CEP135: variants seen among roughly 807,000 people sequenced by gnomAD.
CEP135 encodes centrosomal protein 135.
Under a neutral mutation model 157.3 loss-of-function variants are expected in CEP135, and 142 were observed. That is an observed-to-expected ratio of 0.90 (90% confidence interval 0.79 to 1.04). The LOEUF (loss-of-function observed/expected upper bound fraction) is 1.04. CEP135 is among the 50% of genes least tolerant of loss of function. CEP135 has a pLI of 0.00. For missense variants in CEP135, 1,317 were observed against 1,309.2 expected, an observed-to-expected ratio of 1.01 and a Z score of -0.09; for synonymous variants, 396 against 439.8, an observed-to-expected ratio of 0.90 and a Z score of 1.25.
intron 17 of CEP135, among the ~76,000 whole-genome samples, chr4:56,005,438 A>T (rs1034308394): frequency 6.6e-6 from 1 of 152,142 alleles, no homozygotes; most frequent in South Asian, 2.1e-4. Context: ...AAAAACAAAC[A>T]AACAAAACAA....
At chr4:55,992,364 T>C (rs1393383344) in intron 15 of CEP135, among the ~76,000 whole-genome samples, 2 of 152,230 alleles carry the variant, frequency 1.3e-5, no homozygotes, top group African/African-American at 2.4e-5. Flanking sequence ...TTTTTCAACC[T>C]TCTTTTGAAA....
At chr4:55,976,929 C>T (rs533193382) in intron 11 of CEP135, among the ~76,000 whole-genome samples, 22 of 152,080 alleles carry the variant, frequency 1.4e-4, no homozygotes, top group African/African-American at 4.6e-4. Flanking sequence ...CACACCTTAG[C>T]GTACTGAGTA....
chr4:56,027,889 A>G (rs553126626), intron 25 of CEP135, among the ~76,000 whole-genome samples: 1 of 151,964 alleles, frequency 6.6e-6, no homozygotes, highest in South Asian at 2.1e-4. Flanking sequence ...ATCTCCCCAA[A>G]CAGAAATTCT....
At chr4:55,981,685 G>A (rs1022280280) in intron 13 of CEP135, among the ~76,000 whole-genome samples, 2 of 152,074 alleles carry the variant, frequency 1.3e-5, no homozygotes, top group Admixed American at 1.3e-4. Context: ...TTTCTCATAT[G>A]GGAAGACAGT....
intron 10 of CEP135, among the ~76,000 whole-genome samples, chr4:55,971,939 T>A (rs1222758247): frequency 6.6e-6 from 1 of 151,974 alleles, no homozygotes; most frequent in Non-Finnish European, 1.5e-5. Flanking sequence ...TCATCTGAGG[T>A]TGGGAGTTCA....
intron 25 of CEP135, among the ~76,000 whole-genome samples, chr4:56,028,704 T>C (rs11731842): frequency 0.21 from 31,266 of 152,166 alleles, 3,490 homozygotes; most frequent in Non-Finnish European, 0.26. Flanking sequence ...TTATTATTTG[T>C]TTTTTGACTA....
At chr4:56,008,473 A>AT in intron 18 of CEP135, 91 bp downstream of exon 18, 1 of 1,028,992 alleles carries the variant, frequency 9.7e-7, no homozygotes. Flanking sequence ...CAATAGAAGA[A>AT]TTTCCCTTTC....
intron 11 of CEP135, among the ~76,000 whole-genome samples, chr4:55,977,765 A>G (rs1293523474): frequency 6.6e-6 from 1 of 152,246 alleles, no homozygotes; most frequent in Admixed American, 6.5e-5. Flanking sequence ...ACAATAGCTC[A>G]TTAAAACATT....
intron 22 of CEP135, among the ~76,000 whole-genome samples, chr4:56,018,705 A>T (rs773364701): frequency 6.6e-6 from 1 of 152,138 alleles, no homozygotes; most frequent in African/African-American, 2.4e-5. Context: ...GGCCGCAGTA[A>T]GCAGAGATTG....
At position 56,019,407 on chromosome 4, in the gene CEP135, C is replaced by G; in HGVS notation, c.3067C>G (p.Leu1023Val). 2.5e-6 allele frequency: 4 copies of G among 1,613,794 alleles called. No homozygotes were observed. Among genetic ancestry groups the G allele is most frequent in the Non-Finnish European group, 3.4e-6 (4 of 1,179,894 alleles). Residue 1023 changes from leucine (L) to valine (V), a missense_variant, in exon 23 of 26, where the codon CTT becomes GTT. By Grantham distance (32) the Leu-to-Val change is conservative. Transcript: ENST00000257287. ...KSESDLLKKQ[L>V]SNERHTVKNL... ...AGAGTCAGACCTACTGAAAAAACAA[C>G]TTTCAAATGAGAGACATACAGTTAA...
In CEP135 at chr4:56,017,838, A is replaced by G; in HGVS notation, c.2993A>G (p.Lys998Arg). ...KDIMTQQLNS[K>R]NLEFERVVVE... ...ATTATGACCCAGCAATTGAATTCGAAAAACCTTGAGTTTGAGAGGGTAAGA... is the reference window on the plus strand; with the variant it reads ...ATTATGACCCAGCAATTGAATTCGAGAAACCTTGAGTTTGAGAGGGTAAGA... Residue 998 changes from lysine (K) to arginine (R), a missense_variant, in exon 22 of 26, where the codon AAA becomes AGA. Physicochemically the swap from Lys to Arg is conservative, Grantham distance 26 (BLOSUM62 2). Coordinates refer to ENST00000257287, the MANE Select transcript of CEP135 (RefSeq NM_025009.5). The G allele has an allele frequency of 6.2e-7, 1 of 1,612,722 alleles. No individual in the cohort carries two copies. The highest frequency in any genetic ancestry group is 8.5e-7 in the Non-Finnish European group (1 of 1,179,872).
chr4:55,999,291 T>C lies in CEP135; in HGVS notation c.2010-11T>C. ...AAGAATACCATTTGTTTTTGTCCATTGATTCTTTAGGATAGTGAATGAGCA... is the reference window on the plus strand; with the variant it reads ...AAGAATACCATTTGTTTTTGTCCATCGATTCTTTAGGATAGTGAATGAGCA... On this transcript the variant is annotated splice_polypyrimidine_tract_variant and intron_variant, in intron 15 of 25. Transcript: ENST00000257287. The C allele has an allele frequency of 6.3e-7, 1 of 1,592,770 alleles. No individual in the cohort carries two copies. Among genetic ancestry groups the C allele is most frequent in the Non-Finnish European group, 8.6e-7 (1 of 1,166,906 alleles).
rs1171512246 is a variant in CEP135, at chr4:56,031,841, A to C, written c.*493A>C. ...TAACTTTTTCTTCTTAAAATTATTC[A>C]TAGATCTACTGTCTGTTGTCAAGGG... On this transcript the variant is annotated 3_prime_UTR_variant, in exon 26 of 26. Transcript: ENST00000257287. 2 of 152,132 alleles carry C rather than the reference A, an allele frequency of 1.3e-5. No individual in the cohort carries two copies. The highest frequency in any genetic ancestry group is 2.9e-5 in the Non-Finnish European group (2 of 68,018). 9.4% of individuals were successfully genotyped at this position (152,132 alleles called of 1,614,324 possible). A position where few individuals can be genotyped will look rare whatever the true frequency, so the allele number is the denominator to read the frequency against.
At chr4:55,984,657 T>G (rs1278279720) in intron 13 of CEP135, among the ~76,000 whole-genome samples, 2 of 152,208 alleles carry the variant, frequency 1.3e-5, no homozygotes, top group South Asian at 2.1e-4. Context: ...GAACATCAGA[T>G]GTGTCTGTTT....
At position 55,981,251 on chromosome 4, in the gene CEP135, A is replaced by G; in HGVS notation, c.1651A>G (p.Arg551Gly). ...GGCTCAGGAAGAATTATCTGCCCTA[A>G]GAAAGGAATCCACCCAAACCACAGC... ...NEAQEELSAL[R>G]KESTQTTAPH... The change falls in exon 13 of 26, where the codon AGA (arginine) becomes GGA (glycine). Residue 551 changes from arginine (R) to glycine (G), a missense_variant. By Grantham distance (125) the Arg-to-Gly change is moderately radical. Transcript: ENST00000257287. The G allele has an allele frequency of 6.3e-7, 1 of 1,590,488 alleles. No individual in the cohort carries two copies. The highest frequency in any genetic ancestry group is 1.4e-5 in the African/African-American group (1 of 73,214).
At chr4:55,983,527 C>T (rs1008219253) in intron 13 of CEP135, among the ~76,000 whole-genome samples, 5 of 152,144 alleles carry the variant, frequency 3.3e-5, no homozygotes, top group African/African-American at 1.2e-4. Flanking sequence ...AGTGCTATCT[C>T]TTGAAAAATA....
At chr4:56,013,090 A>T (rs1249946464) in intron 21 of CEP135, among the ~76,000 whole-genome samples, 1 of 152,182 alleles carries the variant, frequency 6.6e-6, no homozygotes, top group Non-Finnish European at 1.5e-5. Context: ...AGCCGTCATA[A>T]TGGGAATAGA....
At chr4:56,023,621 A>G (rs902783218) in intron 24 of CEP135, among the ~76,000 whole-genome samples, 4 of 146,460 alleles carry the variant, frequency 2.7e-5, no homozygotes, top group Non-Finnish European at 6.0e-5. Flanking sequence ...TATAATTAAT[A>G]TAACATAGTA....
intron 17 of CEP135, 116 bp downstream of exon 17, chr4:55,999,761 C>T (rs1482873124): frequency 1.0e-6 from 1 of 966,852 alleles, no homozygotes; most frequent in East Asian, 2.5e-5. Context: ...GGCATGATCA[C>T]AGCTCACTGC....
Sources: gnomAD v4.1 joint callset for allele counts (sites outside exome capture counted in the v4.1 genomes callset) on GRCh38, gnomAD v4.1.1 for gene constraint, MANE v1.5 for transcripts, NCBI Gene and HGNC (gene_info 2026-07-23, HGNC 2026-07-21) for gene names.